PAPSS1: variants seen among roughly 807,000 people sequenced by gnomAD.
PAPSS1 encodes 3'-phosphoadenosine 5'-phosphosulfate synthase 1, also known as bifunctional 3'-phosphoadenosine 5'-phosphosulfate synthase 1.
PAPSS1 carries 50 observed loss-of-function variants against 72.0 expected under a neutral mutation model. The ratio of observed to expected loss-of-function variants is 0.69; its 90% CI spans 0.55 to 0.88. The LOEUF (loss-of-function observed/expected upper bound fraction) is 0.88, where lower values mean the gene tolerates loss of function less well. Among genes scored for constraint, PAPSS1 ranks in the 40% least tolerant of loss-of-function variants. The probability of loss-of-function intolerance (pLI) is 0.00; values close to 1 mark genes in which losing one functional copy is unlikely to be tolerated. For synonymous variants in PAPSS1, 261 were observed against 263.6 expected, an observed-to-expected ratio of 0.99 and a Z score of 0.09; for missense variants, 657 against 782.2, an observed-to-expected ratio of 0.84 and a Z score of 1.91.
chr4:107,703,549 A>C (rs887886963), intron 1 of PAPSS1, among the ~76,000 whole-genome samples: 14 of 152,188 alleles, frequency 9.2e-5, no homozygotes, highest in Non-Finnish European at 2.1e-4. Context: ...AGGTGAGATA[A>C]GGGTCTAACT....
chr4:107,657,425 A>G (rs1337854843), intron 6 of PAPSS1, among the ~76,000 whole-genome samples: 2 of 152,228 alleles, frequency 1.3e-5, no homozygotes, highest in Non-Finnish European at 2.9e-5. Flanking sequence ...CTTAACCAAG[A>G]GAAACTTTAC....
intron 5 of PAPSS1, among the ~76,000 whole-genome samples, chr4:107,672,378 C>G (rs1196616862): frequency 6.6e-6 from 1 of 152,236 alleles, no homozygotes; most frequent in Non-Finnish European, 1.5e-5. Flanking sequence ...TAATGCCGCA[C>G]TTTTCCAACG....
chr4:107,651,587 T>C (rs1726840953), intron 9 of PAPSS1, among the ~76,000 whole-genome samples: 1 of 152,168 alleles, frequency 6.6e-6, no homozygotes, highest in African/African-American at 2.4e-5. Context: ...CTTCACATGG[T>C]GGCAGGAGAG....
chr4:107,651,585 G>A (rs1383269877), intron 9 of PAPSS1, among the ~76,000 whole-genome samples: 2 of 152,130 alleles, frequency 1.3e-5, no homozygotes, highest in Non-Finnish European at 2.9e-5. Flanking sequence ...TTCTTCACAT[G>A]GTGGCAGGAG....
intron 11 of PAPSS1, among the ~76,000 whole-genome samples, chr4:107,627,375 A>G (rs1440492210): frequency 6.6e-6 from 1 of 152,214 alleles, no homozygotes; most frequent in African/African-American, 2.4e-5. Flanking sequence ...CGCTCAGAAC[A>G]AGATTGTGTT....
intron 3 of PAPSS1, among the ~76,000 whole-genome samples, chr4:107,688,006 T>A (rs1722832260): frequency 6.6e-6 from 1 of 150,970 alleles, no homozygotes; most frequent in African/African-American, 2.4e-5. Flanking sequence ...TCTCCAAGAA[T>A]AAGCTCTCAA....
At chr4:107,698,576 A>AATGAAGGGAGTAACT (rs1723130291) in intron 2 of PAPSS1, among the ~76,000 whole-genome samples, 1 of 152,242 alleles carries the variant, frequency 6.6e-6, no homozygotes, top group Non-Finnish European at 1.5e-5. Flanking sequence ...GAGACAGGCA[A>AATGAAGGGAGTAACT]ATGAAGGGAG....
chr4:107,652,946 C>T (rs1016761403), intron 9 of PAPSS1, among the ~76,000 whole-genome samples: 1 of 151,940 alleles, frequency 6.6e-6, no homozygotes, highest in African/African-American at 2.4e-5. Context: ...TGGTATGATA[C>T]AATGGTCATG....
intron 9 of PAPSS1, among the ~76,000 whole-genome samples, chr4:107,650,673 G>C (rs1230969983): frequency 6.6e-6 from 1 of 152,050 alleles, no homozygotes; most frequent in Non-Finnish European, 1.5e-5. Context: ...CCAACTAAAA[G>C]TATCTTAAAT....
chr4:107,699,670 T>A (rs946160156), intron 2 of PAPSS1, among the ~76,000 whole-genome samples: 3 of 152,134 alleles, frequency 2.0e-5, no homozygotes, highest in African/African-American at 7.2e-5. Context: ...AATTCCTTAG[T>A]CATCCAGATG....
At chr4:107,667,175 C>T (rs1727342301) in intron 5 of PAPSS1, among the ~76,000 whole-genome samples, 1 of 152,180 alleles carries the variant, frequency 6.6e-6, no homozygotes, top group African/African-American at 2.4e-5. Flanking sequence ...TACATAAAAA[C>T]TTCTAAATGA....
intron 3 of PAPSS1, among the ~76,000 whole-genome samples, chr4:107,692,964 T>A (rs1490413522): frequency 6.6e-6 from 1 of 151,408 alleles, no homozygotes; most frequent in Non-Finnish European, 1.5e-5. Context: ...CACGGACACA[T>A]GGGGGGAAAC....
chr4:107,655,376 T>C (rs1007026942), intron 7 of PAPSS1, among the ~76,000 whole-genome samples: 1 of 152,218 alleles, frequency 6.6e-6, no homozygotes, highest in Non-Finnish European at 1.5e-5. Context: ...TTAAGTATAC[T>C]TGAGTATCCT....
At chr4:107,719,864 G>C (rs149258239) in intron 1 of PAPSS1, 16,281 of 1,347,974 alleles carry the variant, frequency 0.012, 168 homozygotes, top group South Asian at 0.042. Context: ...CGCTGGGGAG[G>C]GGGGGCGTTC....
intron 1 of PAPSS1, among the ~76,000 whole-genome samples, chr4:107,715,091 T>A (rs1023176257): frequency 2.6e-5 from 4 of 152,194 alleles, no homozygotes; most frequent in African/African-American, 9.7e-5. Context: ...TAGAGCTTCC[T>A]GAGATGATGA....
intron 1 of PAPSS1, among the ~76,000 whole-genome samples, chr4:107,704,626 A>T (rs975639119): frequency 1.3e-5 from 2 of 152,106 alleles, no homozygotes; most frequent in Non-Finnish European, 2.9e-5. Flanking sequence ...TTTGCCCTAC[A>T]TTCTGTTAGT....
At chr4:107,688,993 A>C (rs1683152109) in intron 3 of PAPSS1, among the ~76,000 whole-genome samples, 1 of 152,162 alleles carries the variant, frequency 6.6e-6, no homozygotes, top group Non-Finnish European at 1.5e-5. Flanking sequence ...TAATTCAGTC[A>C]CAAAGTCCTT....
rs761767641 is a variant in PAPSS1 at position 107,720,197 on chromosome 4, A to G, written c.-18T>C. Reference sequence around the variant, plus strand: ...ATCTCCATGACCGCGGAGCGCGCTGAGCAGCCGGGGTTCTCTGCGCCGGGA... The same window carrying G: ...ATCTCCATGACCGCGGAGCGCGCTGGGCAGCCGGGGTTCTCTGCGCCGGGA... On this transcript the variant is annotated 5_prime_UTR_variant, in exon 1 of 12. Transcript: ENST00000265174. 2 of 1,598,042 alleles carry G rather than the reference A, an allele frequency of 1.3e-6. No individual in the cohort carries two copies. The highest frequency in any genetic ancestry group is 1.1e-5 in the South Asian group (1 of 89,286).
chr4:107,629,214 T>C (rs991993112), intron 11 of PAPSS1, among the ~76,000 whole-genome samples: 2 of 152,176 alleles, frequency 1.3e-5, no homozygotes, highest in Admixed American at 6.5e-5. Flanking sequence ...ATCAACTTTA[T>C]GGTTAAGCTT....
Sources: allele counts gnomAD v4.1 joint callset (sites outside exome capture counted in the v4.1 genomes callset), GRCh38; gene constraint gnomAD v4.1.1; transcripts MANE v1.5; gene names NCBI Gene and HGNC (gene_info 2026-07-23, HGNC 2026-07-21).